The following OSTC variants were observed in gnomAD, a reference collection of about 807,000 sequenced individuals.
OSTC encodes the protein oligosaccharyltransferase complex non-catalytic subunit.
Under a neutral mutation model 16.4 loss-of-function variants are expected in OSTC, and 16 were observed. That is an observed-to-expected ratio of 0.98 (90% CI 0.66 to 1.49). OSTC has a LOEUF of 1.49. Among genes scored for constraint, OSTC ranks in the 40% most tolerant of loss-of-function variants. OSTC has a pLI of 0.00. For synonymous variants in OSTC, 67 were observed against 68.5 expected, an observed-to-expected ratio of 0.98 and a Z score of 0.11; for missense variants, 139 against 186.3, an observed-to-expected ratio of 0.75 and a Z score of 1.48.
intron 3 of OSTC, chr4:108,663,091 A>G (rs971516025): frequency 8.1e-5 from 33 of 406,646 alleles, no homozygotes; most frequent in African/African-American, 6.9e-4. Context: ...TGTGCTCTCA[A>G]TCATAATGTA....
rs1726503716 is a variant in OSTC at position 108,650,663 on chromosome 4, CT to C, written c.11del (p.Leu4CysfsTer7). On this transcript the variant is annotated frameshift_variant, in exon 1 of 4. Transcript: ENST00000361564. LOFTEE classifies it high-confidence loss of function. ME[T>X]LYRVPFLVLE... ...GCCCTTGCTGCCACCAACATGGAGA[CT>C]TTGTACCGTGTCCCGTTCTTAGTGC... The C allele has an allele frequency of 6.2e-7, 1 of 1,614,076 alleles. No individual in the cohort carries two copies.
chr4:108,654,967 C>T (rs1307384260), intron 1 of OSTC, among the ~76,000 whole-genome samples: 1 of 152,080 alleles, frequency 6.6e-6, no homozygotes, highest in African/African-American at 2.4e-5. Context: ...TTTTAAATCC[C>T]CTTTATACTA....
Position 108,655,625 on chromosome 4 carries a change from G to T in OSTC, c.201G>T (p.Gly67=). 1 of 1,609,258 alleles carries T rather than the reference G, an allele frequency of 6.2e-7. No homozygotes were observed. The highest frequency in any genetic ancestry group is 1.7e-4 in the Middle Eastern group (1 of 6,050). ...PSVGSMTDEH[G]HQRPVAFLAY... is the part of the protein sequence containing the mutation. ...TCGGTTCTATGACTGATGAACATGGGCATCAGAGGCCAGTAGCTTTCTTGG... is the reference window on the plus strand; with the variant it reads ...TCGGTTCTATGACTGATGAACATGGTCATCAGAGGCCAGTAGCTTTCTTGG... The change falls in exon 2 of 4, where the codon GGG becomes GGT. Residue 67 remains glycine, a synonymous_variant. Coordinates refer to ENST00000361564, the MANE Select transcript of OSTC (RefSeq NM_021227.4).
chr4:108,656,583 T>TCACA (rs56269935), intron 2 of OSTC, among the ~76,000 whole-genome samples: 118,589 of 151,104 alleles, frequency 0.78, 46,720 homozygotes, highest in East Asian at 0.99. Flanking sequence ...CCTAGAAAAA[T>TCACA]CACACACACA....
At chr4:108,650,906 G>T in intron 1 of OSTC, 112 bp downstream of exon 1, 3 of 1,482,792 alleles carry the variant, frequency 2.0e-6, no homozygotes, top group Non-Finnish European at 1.8e-6. Context: ...CTCTGCTTTG[G>T]ATCTTTTCTG....
Position 108,667,391 on chromosome 4 carries a change from G to A in OSTC, c.*126G>A, listed in dbSNP as rs1204743365. On this transcript the variant is annotated 3_prime_UTR_variant, in exon 4 of 4. Transcript: ENST00000361564. ...AGAGCAGCAGTAAAAGAAATATCTAGTGAAAAAACAGGAAGCGTATTGAAG... is the reference window on the plus strand; with the variant it reads ...AGAGCAGCAGTAAAAGAAATATCTAATGAAAAAACAGGAAGCGTATTGAAG... 19 of 731,180 alleles carry A rather than the reference G, an allele frequency of 2.6e-5. 1 individual carries two copies. The highest frequency in any genetic ancestry group is 4.1e-5 in the Non-Finnish European group (19 of 460,674). 45.3% of individuals were successfully genotyped at this position (731,180 alleles called of 1,614,324 possible).
intron 1 of OSTC, among the ~76,000 whole-genome samples, chr4:108,652,865 C>T (rs1726592856): frequency 6.6e-6 from 1 of 152,136 alleles, no homozygotes; most frequent in Admixed American, 6.6e-5. Context: ...TGGCGAAACC[C>T]TGTCTCTACT....
chr4:108,661,235 A>C (rs1270082219), intron 3 of OSTC, among the ~76,000 whole-genome samples: 1 of 146,222 alleles, frequency 6.8e-6, no homozygotes, highest in African/African-American at 2.5e-5. Context: ...AAAAAAAAAA[A>C]GAATAAAGAA....
intron 3 of OSTC, among the ~76,000 whole-genome samples, chr4:108,658,675 T>G (rs564651659): frequency 6.6e-5 from 10 of 152,258 alleles, no homozygotes; most frequent in Non-Finnish European, 1.5e-4. Flanking sequence ...ACCACAAATA[T>G]TAGCTCTTAG....
At chr4:108,667,036 G>A (rs1329865395) in intron 3 of OSTC, among the ~76,000 whole-genome samples, 4 of 151,820 alleles carry the variant, frequency 2.6e-5, no homozygotes, top group African/African-American at 9.7e-5. Flanking sequence ...GGGAAGGATA[G>A]TAGAACTGAG....
intron 2 of OSTC, among the ~76,000 whole-genome samples, chr4:108,657,073 A>G (rs1726726982): frequency 6.6e-6 from 1 of 152,234 alleles, no homozygotes; most frequent in Admixed American, 6.5e-5. Context: ...TCAAAAAAAA[A>G]AAAAAGCTAA....
chr4:108,657,674 T>C (rs1360564350), intron 3 of OSTC, 27 bp downstream of exon 3: 1 of 1,555,570 alleles, frequency 6.4e-7, no homozygotes, highest in South Asian at 1.1e-5. Context: ...ATCAGCACCT[T>C]ATGTTGCAAA....
intron 3 of OSTC, among the ~76,000 whole-genome samples, chr4:108,663,659 G>A (rs909868776): frequency 6.6e-6 from 1 of 152,212 alleles, no homozygotes; most frequent in African/African-American, 2.4e-5. Context: ...CTTAATTGCT[G>A]TCACACTCTT....
At chr4:108,661,796 C>G (rs963360628) in intron 3 of OSTC, among the ~76,000 whole-genome samples, 2 of 152,014 alleles carry the variant, frequency 1.3e-5, no homozygotes, top group African/African-American at 4.8e-5. Context: ...TGAGGTTTTG[C>G]CATTTTGGCA....
chr4:108,655,741 C>T lies in OSTC; in HGVS notation c.233+84C>T. The T allele has an allele frequency of 5.2e-6, 5 of 954,722 alleles. No individual in the cohort carries two copies. In the Admixed American group the frequency reaches 9.0e-5, roughly 17 times the overall value. The allele number at this position is 954,722 out of a possible 1,614,324, so 59.1% of individuals were successfully genotyped here. On this transcript the variant is annotated intron_variant, in intron 2 of 3. Transcript: ENST00000361564. ...CACTTATTTAAAAATAGAGTAAAAC[C>T]TATGGGATCCATGTGTATTTAGACA...
At chr4:108,656,188 A>T (rs917311671) in intron 2 of OSTC, among the ~76,000 whole-genome samples, 1 of 152,216 alleles carries the variant, frequency 6.6e-6, no homozygotes. Flanking sequence ...TTCATCAGTG[A>T]AACCCCGTTC....
At chr4:108,658,476 A>C (rs1467131261) in intron 3 of OSTC, among the ~76,000 whole-genome samples, 1 of 151,662 alleles carries the variant, frequency 6.6e-6, no homozygotes, top group Non-Finnish European at 1.5e-5. Context: ...GTATTTAAAG[A>C]TTATTTTGAT....
chr4:108,658,143 G>T lies in OSTC; in HGVS notation c.431+496G>T, dbSNP rs528177981. Among the ~76,000 whole-genome samples, 13 of 151,928 alleles carry T rather than the reference G, an allele frequency of 8.6e-5. No individual in the cohort carries two copies. In the South Asian group the frequency reaches 2.7e-3, roughly 32 times the overall value. On this transcript the variant is annotated intron_variant, in intron 3 of 3. Transcript: ENST00000361564. ...GGTGGGGTTTCACAATGTTGACCAG[G>T]CTGATCTTGAACTCCTGACCTCAGG...
intron 2 of OSTC, 74 bp from the exon 3 acceptor site, chr4:108,657,376 C>T (rs1044776530): frequency 2.9e-5 from 39 of 1,357,558 alleles, no homozygotes; most frequent in Admixed American, 6.3e-5. Flanking sequence ...GGCACAAAAA[C>T]GGAAATAGGA....
Sources: gnomAD v4.1 joint callset for allele counts (sites outside exome capture counted in the v4.1 genomes callset) on GRCh38, gnomAD v4.1.1 for gene constraint, MANE v1.5 for transcripts, NCBI Gene and HGNC (gene_info 2026-07-23, HGNC 2026-07-21) for gene names.